Variants in MACF1 observed in about 807,000 individuals in gnomAD.
The protein encoded by MACF1 is microtubule-actin cross-linking factor 1.
A neutral mutation model predicts 854.8 loss-of-function variants in MACF1; 193 were observed. That is an observed-to-expected ratio of 0.23 (90% CI 0.20 to 0.25). MACF1 has a LOEUF of 0.25. Ranked by LOEUF, MACF1 falls within the 10% of genes least tolerant of loss-of-function variation. The probability of loss-of-function intolerance (pLI) is 1.00; values close to 1 mark genes in which losing one functional copy is unlikely to be tolerated. For missense variants in MACF1, 7,722 were observed against 8,929.1 expected (o/e 0.86, Z 5.45); for synonymous variants, 3,185 against 3,226.7 (o/e 0.99, Z 0.44).
At chr1:39,392,789 T>A (rs1457939197) in intron 58 of MACF1, among the ~76,000 whole-genome samples, 1 of 152,198 alleles carries the variant, frequency 6.6e-6, no homozygotes, top group Admixed American at 6.5e-5. Flanking sequence ...AGGCTTTCCC[T>A]CAGTTGCTTC....
At chr1:39,481,056 G>T in intron 99 of MACF1, 26 bp downstream of exon 99, 4 of 1,429,868 alleles carry the variant, frequency 2.8e-6, no homozygotes, top group Non-Finnish European at 3.9e-6. Context: ...GCTGACTGAG[G>T]ACACAGTCAA....
intron 49 of MACF1, among the ~76,000 whole-genome samples, chr1:39,362,567 C>T (rs1359166729): frequency 6.6e-6 from 1 of 152,028 alleles, no homozygotes; most frequent in Admixed American, 6.6e-5. Flanking sequence ...TAACGTTTTC[C>T]CAAATGTGGT....
At chr1:39,432,685 A>T in intron 67 of MACF1, 31 bp downstream of exon 67, 1 of 1,603,576 alleles carries the variant, frequency 6.2e-7, no homozygotes, top group South Asian at 1.1e-5. Context: ...GAGCTAATAG[A>T]ATCATCAGTA....
chr1:39,361,000 T>C lies in MACF1; in HGVS notation c.12452T>C (p.Met4151Thr), dbSNP rs1328301771. Residue 4151 changes from methionine (M) to threonine (T), a missense_variant and splice_region_variant, in exon 48 of 101, where the codon ATG becomes ACG. This residue lies in a region of MACF1 where 2,807 missense variants were observed against 3,235.8 expected (regional missense o/e 0.87). Transcript: ENST00000564288. The part of the protein sequence containing the change: ...GVIQEALATN[M>T]KLKQDIARQK... The stretch of plus-strand genomic sequence containing the variant: ...ATCCAGGAAGCCTTAGCCACAAATA[T>C]GGTAAGATCTGTGTCCCAAGAGCTA... The C allele has an allele frequency of 2.5e-6, 4 of 1,613,338 alleles. No individual in the cohort carries two copies. Among genetic ancestry groups the C allele is most frequent in the Admixed American group, 1.7e-5 (1 of 60,008 alleles).
At chr1:39,234,218 T>C (rs532267641) in intron 2 of MACF1, among the ~76,000 whole-genome samples, 1 of 152,144 alleles carries the variant, frequency 6.6e-6, no homozygotes, top group African/African-American at 2.4e-5. Context: ...AACCATCCGA[T>C]TTCTCAATCT....
At chr1:39,213,523 C>T (rs899897752) in intron 1 of MACF1, among the ~76,000 whole-genome samples, 33 of 151,950 alleles carry the variant, frequency 2.2e-4, no homozygotes, top group Admixed American at 2.0e-4. Flanking sequence ...TAGTTAGAGT[C>T]GGGGTTTTAC....
Position 39,312,534 on chromosome 1 carries a change from AT to A in MACF1, c.3270+1536del, listed in dbSNP as rs561907428. Among the ~76,000 whole-genome samples, 24 of 152,322 alleles carry A rather than the reference AT, an allele frequency of 1.6e-4. No homozygotes were observed. The East Asian group carries it at 4.2e-3, about 27-fold the overall frequency. On this transcript the variant is annotated intron_variant, in intron 26 of 100. Transcript: ENST00000564288. ...CAATGATAAACATCAGGAAATTAAC[AT>A]TGATACGGGTTGAGTGTGGTGGCTC...
intron 38 of MACF1, among the ~76,000 whole-genome samples, chr1:39,337,659 C>G (rs372557505): frequency 6.6e-6 from 1 of 150,542 alleles, no homozygotes; most frequent in Non-Finnish European, 1.5e-5. Context: ...CTCCGCCTCC[C>G]GGGTTCAAGC....
intron 2 of MACF1, among the ~76,000 whole-genome samples, chr1:39,234,481 C>T (rs1374394839): frequency 7.2e-6 from 1 of 139,592 alleles, no homozygotes; most frequent in Admixed American, 7.0e-5. Context: ...CCTCACTTCT[C>T]AGTAGGGGCA....
chr1:39,469,672 T>A, intron 97 of MACF1, 57 bp downstream of exon 97: 2 of 1,343,014 alleles, frequency 1.5e-6, no homozygotes, highest in Non-Finnish European at 2.1e-6. Context: ...AGAATGGCTT[T>A]GCTTCTTAAA....
In MACF1 at chr1:39,268,649, C is replaced by G. The variant is rs189425990; in HGVS notation, c.528+10621C>G. On this transcript the variant is annotated intron_variant, in intron 6 of 100. Coordinates refer to ENST00000564288, the MANE Select transcript of MACF1 (RefSeq NM_001394062.1). ...GCCAAGGTTGGGATTTCTGTGGGAT[C>G]CCAGGACTGGCTTAGCTGCGTTTTT... The G allele has an allele frequency of 4.1e-6, 5 of 1,218,294 alleles. No individual in the cohort carries two copies. The East Asian group carries it at 2.9e-4, about 69-fold the overall frequency. The allele number at this position is 1,218,294 out of a possible 1,614,324, so 75.5% of individuals were successfully genotyped here.
In MACF1 at chr1:39,322,983, C is replaced by A; in HGVS notation, c.4211C>A (p.Ala1404Glu). The A allele has an allele frequency of 6.2e-7, 1 of 1,614,068 alleles. No individual in the cohort carries two copies. The highest frequency in any genetic ancestry group is 8.5e-7 in the Non-Finnish European group (1 of 1,179,966). The change falls in exon 33 of 101, where the codon GCA (alanine) becomes GAA (glutamate). Residue 1404 changes from alanine (A) to glutamate (E), a missense_variant. Ala to Glu is a moderately radical substitution (Grantham distance 107, BLOSUM62 -1). Around this residue, in one of 15 missense-constraint regions of MACF1, gnomAD observed 1,137 missense variants for 1,263.0 expected, o/e 0.90. Transcript: ENST00000564288. ...TTQHVKYISD[A>E]LRRLEEEEKV... ...CAGCACGTGAAATACATCAGTGATG[C>A]ACTCCGGCGTCTGGAGGAGGAGGAG... is the stretch of plus-strand genomic sequence containing the variant.
In MACF1 at chr1:39,442,573, T is replaced by C; in HGVS notation, c.19104+6T>C. The stretch of plus-strand genomic sequence containing the variant: ...TTGAGCTCGCAAAGCACCATGTAAG[T>C]ATTTTCATTTTTTCATCTCTAACCC... On this transcript the variant is annotated splice_donor_region_variant and intron_variant, in intron 77 of 100. Transcript: ENST00000564288. 1 of 1,614,006 alleles carries C rather than the reference T, an allele frequency of 6.2e-7. No homozygotes were observed.
At chr1:39,175,405 A>T (rs1283588399) in intron 2 of MACF1, among the ~76,000 whole-genome samples, 2 of 152,220 alleles carry the variant, frequency 1.3e-5, no homozygotes, top group East Asian at 3.9e-4. Flanking sequence ...CAGAATGCTC[A>T]CAATGTGAAG....
At chr1:39,353,457 GT>G (rs1395716139) in intron 44 of MACF1, among the ~76,000 whole-genome samples, 1 of 152,058 alleles carries the variant, frequency 6.6e-6, no homozygotes, top group African/African-American at 2.4e-5. Context: ...CTCTGGCCAG[GT>G]TTTCAAATAC....
intron 58 of MACF1, among the ~76,000 whole-genome samples, chr1:39,405,412 CAA>C (rs994142573): frequency 6.2e-4 from 95 of 152,156 alleles, no homozygotes; most frequent in African/African-American, 2.3e-3. Context: ...ATTAGTCTTC[CAA>C]GAGAGAGCAC....
intron 69 of MACF1, among the ~76,000 whole-genome samples, chr1:39,435,253 A>G (rs1192379610): frequency 2.0e-5 from 3 of 152,238 alleles, no homozygotes; most frequent in African/African-American, 7.2e-5. Flanking sequence ...ACTTATGATT[A>G]CAGAAGAGTG....
At chr1:39,443,089 G>A (rs942155704) in intron 78 of MACF1, among the ~76,000 whole-genome samples, 178 bp downstream of exon 78, 3 of 152,188 alleles carry the variant, frequency 2.0e-5, no homozygotes, top group African/African-American at 7.2e-5. Flanking sequence ...GTTCTTTTCT[G>A]AATTCATTTC....
At position 39,179,847 on chromosome 1, in the gene MACF1, T is replaced by G. The variant is rs867774896; in HGVS notation, c.221-51335T>G. 2.0e-5 allele frequency among the ~76,000 whole-genome samples: 3 copies of G among 152,054 alleles called. No individual in the cohort carries two copies. In the South Asian group the frequency reaches 6.2e-4, roughly 32 times the overall value. On this transcript the variant is annotated intron_variant, in intron 2 of 93. Coordinates refer to the MACF1 transcript ENST00000361689. ...CTGGCCAACATGGTGAAACCCCGTC[T>G]CTACTAAAAATACAAAAATTAGCCA...
Sources: allele counts gnomAD v4.1 joint callset (sites outside exome capture counted in the v4.1 genomes callset), GRCh38; gene constraint gnomAD v4.1.1; regional missense constraint gnomAD v4.1.1; transcripts MANE v1.5; gene names NCBI Gene and HGNC (gene_info 2026-07-23, HGNC 2026-07-21).